Variants in CDYL observed in about 807,000 individuals in gnomAD.
The protein encoded by CDYL is chromodomain Y-like protein.
CDYL carries 8 observed loss-of-function variants against 47.3 expected under a neutral mutation model. That is an observed-to-expected ratio of 0.17 (90% CI 0.10 to 0.31). The LOEUF is 0.31. Among genes scored for constraint, CDYL ranks in the 10% least tolerant of loss-of-function variants. CDYL has a pLI of 1.00. For missense variants in CDYL, 471 were observed against 701.4 expected (o/e 0.67, Z 3.71); for synonymous variants, 266 against 265.0 (o/e 1.00, Z -0.04).
intron 1 of CDYL, among the ~76,000 whole-genome samples, chr6:4,861,703 C>G (rs1761174356): frequency 6.6e-6 from 1 of 151,828 alleles, no homozygotes. Flanking sequence ...AAAAGCTGTT[C>G]TTCTTGATGC....
At chr6:4,845,090 A>T (rs1237047854) in intron 1 of CDYL, among the ~76,000 whole-genome samples, 1 of 152,206 alleles carries the variant, frequency 6.6e-6, no homozygotes, top group South Asian at 2.1e-4. Context: ...ACATTGCTCT[A>T]TATATTCCAT....
At chr6:4,953,468 A>G (rs1168922588) in intron 6 of CDYL, among the ~76,000 whole-genome samples, 2 of 152,306 alleles carry the variant, frequency 1.3e-5, no homozygotes, top group South Asian at 4.1e-4. Context: ...GAAATGTATA[A>G]TATTAACTGA....
At chr6:4,715,756 C>T (rs1264348865) in exon 2 of CDYL, 2 of 1,613,596 alleles carry the variant, frequency 1.2e-6, no homozygotes, top group South Asian at 1.1e-5. Flanking sequence ...CATCAGAGAA[C>T]ACAGAGCCCC....
intron 1 of CDYL, among the ~76,000 whole-genome samples, chr6:4,782,952 A>C (rs1022096218): frequency 2.6e-5 from 4 of 152,230 alleles, no homozygotes; most frequent in Admixed American, 2.0e-4. Flanking sequence ...CATGATGTCT[A>C]AAGATAGTCA....
Position 4,798,382 on chromosome 6 carries a change from A to G in CDYL, c.24+21575A>G, listed in dbSNP as rs530923381. The stretch of plus-strand genomic sequence containing the variant: ...ACTAGTAATGACATTTTAGCTGGAG[A>G]TAAGTTTATTGGTTTACCGTTTTTA... On this transcript the variant is annotated intron_variant, in intron 1 of 6. Coordinates refer to ENST00000397588, the MANE Select transcript of CDYL (RefSeq NM_004824.4). Among the ~76,000 whole-genome samples the G allele has an allele frequency of 2.6e-5, 4 of 152,270 alleles. No homozygotes were observed. In the South Asian group the frequency reaches 8.3e-4, roughly 32 times the overall value.
At chr6:4,758,253 C>T (rs991326095) in intron 3 of CDYL, among the ~76,000 whole-genome samples, 3 of 151,720 alleles carry the variant, frequency 2.0e-5, no homozygotes, top group African/African-American at 7.3e-5. Flanking sequence ...GTAGGAGAAT[C>T]ACTTGAACCC....
chr6:4,761,931 A>C (rs1281559211), intron 3 of CDYL, among the ~76,000 whole-genome samples: 1 of 152,226 alleles, frequency 6.6e-6, no homozygotes, highest in Admixed American at 6.5e-5. Context: ...GATTCAAAGC[A>C]GTAGAGAACT....
At chr6:4,755,672 A>G (rs528071305) in intron 3 of CDYL, among the ~76,000 whole-genome samples, 8 of 152,322 alleles carry the variant, frequency 5.3e-5, no homozygotes, top group South Asian at 4.1e-4. Context: ...TCAATTATAT[A>G]CTACATACTA....
intron 2 of CDYL, among the ~76,000 whole-genome samples, chr6:4,909,962 A>G (rs143971062): frequency 6.7e-4 from 101 of 150,814 alleles, no homozygotes; most frequent in African/African-American, 2.3e-3. Context: ...GGCTCCCTCC[A>G]CTTTCTGGAA....
At position 4,801,861 on chromosome 6, in the gene CDYL, T is replaced by C. The variant is rs141281120; in HGVS notation, c.24+25054T>C. ...TCCATGTTACTCTTTTTTAAAAATATTGCTTTCTGGTTTCTGACTGCTTTT... is the reference window on the plus strand; with the variant it reads ...TCCATGTTACTCTTTTTTAAAAATACTGCTTTCTGGTTTCTGACTGCTTTT... On this transcript the variant is annotated intron_variant, in intron 1 of 6. Transcript: ENST00000397588. Among the ~76,000 whole-genome samples the C allele has an allele frequency of 3.4e-3, 515 of 152,308 alleles. 2 individuals are homozygous for C. Among genetic ancestry groups the C allele is most frequent in the African/African-American group, 0.012 (481 of 41,564 alleles).
chr6:4,849,701 T>C (rs1760767075), intron 1 of CDYL, among the ~76,000 whole-genome samples: 1 of 149,362 alleles, frequency 6.7e-6, no homozygotes, highest in Non-Finnish European at 1.5e-5. Context: ...AAAAAAAGTC[T>C]CTTCCTTCCA....
rs76871259 is a variant in CDYL, at chr6:4,850,355, C to T, written c.25-41358C>T. On this transcript the variant is annotated intron_variant, in intron 1 of 6. Transcript: ENST00000397588. ...CTTTCACCGTTGCTGTGTATTTTAT[C>T]TTTAAATGTTCAGTTTGGTGACTTT... Among the ~76,000 whole-genome samples the T allele has an allele frequency of 7.1e-3, 1,074 of 152,246 alleles. 11 individuals carry two copies. The highest frequency in any genetic ancestry group is 0.025 in the African/African-American group (1,041 of 41,536).
At chr6:4,896,741 G>A (rs1469945050) in intron 2 of CDYL, among the ~76,000 whole-genome samples, 4 of 152,152 alleles carry the variant, frequency 2.6e-5, no homozygotes, top group African/African-American at 4.8e-5. Flanking sequence ...TTAGAGCTAC[G>A]TAAAGAAACT....
At chr6:4,842,521 C>T (rs904252266) in intron 1 of CDYL, among the ~76,000 whole-genome samples, 4 of 151,794 alleles carry the variant, frequency 2.6e-5, no homozygotes, top group African/African-American at 9.7e-5. Context: ...TTATATAATG[C>T]CCCTCTTTGT....
At chr6:4,810,446 T>C (rs963494692) in intron 1 of CDYL, among the ~76,000 whole-genome samples, 1 of 152,220 alleles carries the variant, frequency 6.6e-6, no homozygotes, top group Non-Finnish European at 1.5e-5. Context: ...TCAGATTTTA[T>C]CAGTTGTTGT....
intron 1 of CDYL, among the ~76,000 whole-genome samples, chr6:4,778,082 G>T (rs1758518315): frequency 6.6e-6 from 1 of 152,070 alleles, no homozygotes; most frequent in South Asian, 2.1e-4. Context: ...AAATCTCCCT[G>T]TTCTCAGGAG....
At chr6:4,788,498 A>T (rs1482818508) in intron 1 of CDYL, among the ~76,000 whole-genome samples, 2 of 150,846 alleles carry the variant, frequency 1.3e-5, no homozygotes, top group East Asian at 3.9e-4. Context: ...AAAAAAAAAA[A>T]AAAAGGCTTT....
chr6:4,809,246 A>G (rs1759458397), intron 1 of CDYL, among the ~76,000 whole-genome samples: 1 of 152,236 alleles, frequency 6.6e-6, no homozygotes, highest in African/African-American at 2.4e-5. Context: ...TGTCTTGGAA[A>G]TCACTCACAT....
In CDYL at chr6:4,796,556, T is replaced by C. The variant is rs151288516; in HGVS notation, c.24+19749T>C. Among the ~76,000 whole-genome samples, 1,191 of 152,322 alleles carry C rather than the reference T, an allele frequency of 7.8e-3. 16 individuals are homozygous for C. Among genetic ancestry groups the C allele is most frequent in the African/African-American group, 0.028 (1,150 of 41,570 alleles). On this transcript the variant is annotated intron_variant, in intron 1 of 6. Transcript: ENST00000397588. ...GATTATAGGTTTGCCAATAAATATTTTGTATATTTTGAGCCTAGGCTTTAG... is the reference window on the plus strand; with the variant it reads ...GATTATAGGTTTGCCAATAAATATTCTGTATATTTTGAGCCTAGGCTTTAG...
Sources: gnomAD v4.1 joint callset for allele counts (sites outside exome capture counted in the v4.1 genomes callset) on GRCh38, gnomAD v4.1.1 for gene constraint, MANE v1.5 for transcripts, NCBI Gene and HGNC (gene_info 2026-07-23, HGNC 2026-07-21) for gene names.